DYNC1LI1: variants seen among roughly 807,000 people sequenced by gnomAD.
DYNC1LI1 encodes dynein cytoplasmic 1 light intermediate chain 1, also known as cytoplasmic dynein 1 light intermediate chain 1.
DYNC1LI1 carries 19 observed loss-of-function variants against 63.8 expected under a neutral mutation model. The ratio of observed to expected loss-of-function variants is 0.30; its 90% CI spans 0.21 to 0.44. The LOEUF (loss-of-function observed/expected upper bound fraction) is 0.44, where lower values mean the gene tolerates loss of function less well. Among genes scored for constraint, DYNC1LI1 ranks in the 20% least tolerant of loss-of-function variants. The pLI, the probability that DYNC1LI1 is intolerant of heterozygous loss-of-function variation, is 1.00. For missense variants in DYNC1LI1, 565 were observed against 630.2 expected (o/e 0.90, Z 1.11); for synonymous variants, 225 against 232.3 (o/e 0.97, Z 0.28).
intron 5 of DYNC1LI1, among the ~76,000 whole-genome samples, chr3:32,537,962 A>ATTTAT (rs1453538577): frequency 3.5e-4 from 1 of 2,834 alleles, no homozygotes. Flanking sequence ...TATATATATA[A>ATTTAT]TATATATATA....
At chr3:32,545,706 G>A in intron 3 of DYNC1LI1, 143 bp downstream of exon 3, 2 of 695,968 alleles carry the variant, frequency 2.9e-6, no homozygotes, top group South Asian at 3.2e-5. Context: ...TAAAAGTATG[G>A]CTAAACATAG....
At chr3:32,539,597 G>A (rs1322596036) in intron 5 of DYNC1LI1, among the ~76,000 whole-genome samples, 18 of 151,798 alleles carry the variant, frequency 1.2e-4, no homozygotes, top group African/African-American at 4.1e-4. Context: ...GTGCAGTGGC[G>A]CAATCTCAGC....
rs1344316317 is a variant in DYNC1LI1 at position 32,526,518 on chromosome 3, G to A, written c.*281C>T. 7 of 243,240 alleles carry A rather than the reference G, an allele frequency of 2.9e-5. No homozygotes were observed. The highest frequency in any genetic ancestry group is 1.6e-4 in the African/African-American group (7 of 45,096). The allele number at this position is 243,240 out of a possible 1,614,324, so 15.1% of individuals were successfully genotyped here. A position where few individuals can be genotyped will look rare whatever the true frequency, so the allele number is the denominator to read the frequency against. ...TTAGAATATGATCGATCACATGGCT[G>A]TATTTCAGATCTAAAAGTTTTGAGA... On this transcript the variant is annotated 3_prime_UTR_variant, in exon 13 of 13. Coordinates refer to ENST00000273130, the MANE Select transcript of DYNC1LI1 (RefSeq NM_016141.4).
At chr3:32,542,564 C>T (rs191787497) in intron 4 of DYNC1LI1, among the ~76,000 whole-genome samples, 25 of 152,144 alleles carry the variant, frequency 1.6e-4, no homozygotes, top group Admixed American at 1.0e-3. Flanking sequence ...CCCACCACCA[C>T]GCCTGGCTAA....
At chr3:32,529,160 A>C (rs2125428591) in intron 11 of DYNC1LI1, among the ~76,000 whole-genome samples, 1 of 152,354 alleles carries the variant, frequency 6.6e-6, no homozygotes, top group South Asian at 2.1e-4. Context: ...TATTATCCAA[A>C]GGCATAAAAA....
chr3:32,557,369 A>C (rs2125443346), intron 2 of DYNC1LI1, among the ~76,000 whole-genome samples: 1 of 152,014 alleles, frequency 6.6e-6, no homozygotes, highest in African/African-American at 2.4e-5. Flanking sequence ...TACAAAAAAA[A>C]AATTAGCCAG....
chr3:32,570,632 T>G lies in DYNC1LI1; in HGVS notation c.139A>C (p.Asn47His). ...GAGAGGTGGAGTCGTTACCAAAGGT[T>G]CTGCCCGTCCTCGTCGTCGCCTGCC... ...AAAGDDEDGQ[N>H]LWSCILSEVS... The change falls in exon 1 of 13, where the codon AAC becomes CAC. Residue 47 changes from asparagine to histidine, a missense_variant. By Grantham distance (68) the Asn-to-His change is moderately conservative. Transcript: ENST00000273130. 1 of 1,577,862 alleles carries G rather than the reference T, an allele frequency of 6.3e-7. No homozygotes were observed. Among genetic ancestry groups the G allele is most frequent in the Non-Finnish European group, 8.6e-7 (1 of 1,162,548 alleles).
chr3:32,550,696 A>G (rs1032241606), intron 2 of DYNC1LI1, among the ~76,000 whole-genome samples: 2 of 152,246 alleles, frequency 1.3e-5, no homozygotes, highest in Non-Finnish European at 2.9e-5. Context: ...GAATCACCTG[A>G]GAAGTTTGTT....
At chr3:32,552,438 G>A (rs80291060) in intron 2 of DYNC1LI1, among the ~76,000 whole-genome samples, 1 of 152,170 alleles carries the variant, frequency 6.6e-6, no homozygotes, top group Non-Finnish European at 1.5e-5. Flanking sequence ...GGGATTACAA[G>A]CATGAGTCAC....
At chr3:32,559,231 C>CAT (rs892115472) in intron 2 of DYNC1LI1, among the ~76,000 whole-genome samples, 9 of 151,640 alleles carry the variant, frequency 5.9e-5, no homozygotes, top group African/African-American at 9.7e-5. Flanking sequence ...AAATAAAACT[C>CAT]ATATATATAT....
rs139416018 is a variant in DYNC1LI1 at position 32,555,781 on chromosome 3, T to C, written c.221-9816A>G. On this transcript the variant is annotated intron_variant, in intron 2 of 12. Transcript: ENST00000273130. ...AGTATTTAGAGGAAAAGTGTACTGA[T>C]ATCTGCAACTTACACTGAAATGCAT... Among the ~76,000 whole-genome samples, 48 of 152,368 alleles carry C rather than the reference T, an allele frequency of 3.2e-4. 1 individual carries two copies. The highest frequency in any genetic ancestry group is 9.9e-4 in the African/African-American group (41 of 41,582).
rs374523173 is a variant in DYNC1LI1, at chr3:32,530,243, T to C, written c.1185+41A>G. The C allele has an allele frequency of 4.0e-6, 6 of 1,509,510 alleles. No homozygotes were observed. In the African/African-American group the frequency reaches 5.6e-5, roughly 14 times the overall value. The allele number at this position is 1,509,510 out of a possible 1,614,324, so 93.5% of individuals were successfully genotyped here. A position where few individuals can be genotyped will look rare whatever the true frequency, so the allele number is the denominator to read the frequency against. On this transcript the variant is annotated intron_variant, in intron 10 of 12. Transcript: ENST00000273130. ...AATAAAAAATAACTAAAATAATATG[T>C]ACTGCATTTTAATCATTTTGTCAAA... is the stretch of plus-strand genomic sequence containing the variant.
At chr3:32,537,929 A>T (rs1410219009) in intron 5 of DYNC1LI1, among the ~76,000 whole-genome samples, 3 of 25,408 alleles carry the variant, frequency 1.2e-4, no homozygotes, top group Admixed American at 7.1e-4. Flanking sequence ...TATATATAAT[A>T]TATATATAAT....
At chr3:32,538,159 T>C (rs1218603063) in intron 5 of DYNC1LI1, among the ~76,000 whole-genome samples, 1 of 130,706 alleles carries the variant, frequency 7.7e-6, no homozygotes, top group East Asian at 2.1e-4. Context: ...CTGTACTACT[T>C]TGGAAGGTGA....
In DYNC1LI1 at chr3:32,561,038, CA is replaced by C. The variant is rs1170976154; in HGVS notation, c.220+9307del. Among the ~76,000 whole-genome samples, 120 of 81,980 alleles carry C rather than the reference CA, an allele frequency of 1.5e-3. 3 individuals are homozygous for C. The highest frequency in any genetic ancestry group is 5.4e-3 in the African/African-American group (109 of 20,258). 53.8% of individuals were successfully genotyped at this position (81,980 alleles called of 152,430 possible). On this transcript the variant is annotated intron_variant, in intron 2 of 12. Transcript: ENST00000273130. ...AAAAAAAAAAAAAAAAAAAAACAAA[CA>C]AAAAAAACACACACACACCAAAGAA...
At chr3:32,566,892 A>T (rs1007354407) in intron 2 of DYNC1LI1, among the ~76,000 whole-genome samples, 5 of 152,248 alleles carry the variant, frequency 3.3e-5, no homozygotes, top group Admixed American at 3.3e-4. Context: ...TCCTACCTTT[A>T]TTAAAAACAA....
chr3:32,563,099 G>A (rs1254738336), intron 2 of DYNC1LI1, among the ~76,000 whole-genome samples: 1 of 152,066 alleles, frequency 6.6e-6, no homozygotes, highest in Admixed American at 6.6e-5. Context: ...CTGGAGGGCA[G>A]GAGCTGAGTC....
intron 7 of DYNC1LI1, 120 bp from the exon 8 acceptor site, chr3:32,533,217 A>G (rs1442473084): frequency 7.3e-7 from 1 of 1,370,302 alleles, no homozygotes; most frequent in East Asian, 3.0e-5. Context: ...TGGAAAACGA[A>G]TTAGCTTTTC....
intron 4 of DYNC1LI1, 36 bp from the exon 5 acceptor site, chr3:32,541,242 T>A (rs1405504561): frequency 7.1e-7 from 1 of 1,417,942 alleles, no homozygotes. Flanking sequence ...AGAAATTGCT[T>A]CATTTCAGCA....
Sources: gnomAD v4.1 joint callset for allele counts (sites outside exome capture counted in the v4.1 genomes callset) on GRCh38, gnomAD v4.1.1 for gene constraint, MANE v1.5 for transcripts, NCBI Gene and HGNC (gene_info 2026-07-23, HGNC 2026-07-21) for gene names.